DLG1: variants seen among roughly 807,000 people sequenced by gnomAD.
The protein encoded by DLG1 is discs large MAGUK scaffold protein 1.
DLG1 carries 42 observed loss-of-function variants against 123.4 expected under a neutral mutation model. The ratio of observed to expected loss-of-function variants is 0.34; its 90% CI spans 0.27 to 0.44. The LOEUF (loss-of-function observed/expected upper bound fraction) is 0.44. Ranked by LOEUF, DLG1 falls within the 20% of genes least tolerant of loss-of-function variation. DLG1 has a pLI of 1.00. For missense variants in DLG1, 942 were observed against 1,082.6 expected (o/e 0.87, Z 1.82); for synonymous variants, 317 against 356.2 (o/e 0.89, Z 1.24).
At chr3:197,127,781 C>T (rs1780521319) in intron 11 of DLG1, among the ~76,000 whole-genome samples, 1 of 151,876 alleles carries the variant, frequency 6.6e-6, no homozygotes, top group African/African-American at 2.4e-5. Context: ...GCGAATATTG[C>T]AATAAAGCCT....
At chr3:197,186,236 G>C (rs1052034219) in intron 5 of DLG1, among the ~76,000 whole-genome samples, 1 of 152,158 alleles carries the variant, frequency 6.6e-6, no homozygotes, top group African/African-American at 2.4e-5. Context: ...GGAGGTGGAA[G>C]GCGGAAGGCA....
chr3:197,162,089 T>C (rs544092601), intron 5 of DLG1, among the ~76,000 whole-genome samples: 3 of 152,320 alleles, frequency 2.0e-5, no homozygotes, highest in African/African-American at 7.2e-5. Context: ...GCACTCAGAA[T>C]ACATCTCACT....
intron 4 of DLG1, among the ~76,000 whole-genome samples, chr3:197,272,026 T>C (rs2151050983): frequency 6.6e-6 from 1 of 152,336 alleles, no homozygotes; most frequent in South Asian, 2.1e-4. Flanking sequence ...CCTCTACAAC[T>C]GGTGCTACTA....
chr3:197,103,424 T>C (rs1461995082), intron 14 of DLG1, among the ~76,000 whole-genome samples: 1 of 152,134 alleles, frequency 6.6e-6, no homozygotes, highest in African/African-American at 2.4e-5. Flanking sequence ...AACCAGTGAC[T>C]GTAACTCGGC....
chr3:197,091,203 C>T lies in DLG1; in HGVS notation c.1547-177G>A, dbSNP rs146331805. 7.4e-3 allele frequency among the ~76,000 whole-genome samples: 1,128 copies of T among 151,974 alleles called. 12 individuals carry two copies. The highest frequency in any genetic ancestry group is 0.024 in the African/African-American group (996 of 41,478). On this transcript the variant is annotated intron_variant, in intron 14 of 24. Transcript: ENST00000667157. The stretch of plus-strand genomic sequence containing the variant: ...AATTTCAAAAAAAAATTATTAATAA[C>T]CTAAATGTACCATAAATTAGAATTG...
At chr3:197,125,239 A>G (rs1778429347) in intron 11 of DLG1, among the ~76,000 whole-genome samples, 1 of 152,070 alleles carries the variant, frequency 6.6e-6, no homozygotes, top group Non-Finnish European at 1.5e-5. Flanking sequence ...AGAGTGGGAG[A>G]GTGAATTAGG....
intron 23 of DLG1, among the ~76,000 whole-genome samples, 158 bp downstream of exon 23, chr3:197,059,731 T>C (rs777312071): frequency 6.6e-6 from 1 of 151,200 alleles, no homozygotes; most frequent in Non-Finnish European, 1.5e-5. Context: ...TTATAACCCA[T>C]AGTGCTTATT....
intron 10 of DLG1, among the ~76,000 whole-genome samples, chr3:197,135,593 A>G (rs1362593105): frequency 6.6e-6 from 1 of 152,168 alleles, no homozygotes; most frequent in Non-Finnish European, 1.5e-5. Context: ...ACTGATGAAG[A>G]CTGGACAAAT....
chr3:197,150,591 T>G (rs1793379405), intron 5 of DLG1, among the ~76,000 whole-genome samples: 1 of 152,144 alleles, frequency 6.6e-6, no homozygotes, highest in Non-Finnish European at 1.5e-5. Flanking sequence ...CATAACACTT[T>G]CAGAGAATAA....
At chr3:197,203,602 G>C (rs761850371) in intron 4 of DLG1, among the ~76,000 whole-genome samples, 1 of 152,044 alleles carries the variant, frequency 6.6e-6, no homozygotes, top group Non-Finnish European at 1.5e-5. Context: ...CAGGTTAAAA[G>C]TAGAGGAAAG....
intron 4 of DLG1, among the ~76,000 whole-genome samples, chr3:197,247,261 A>G (rs1456916939): frequency 1.3e-5 from 2 of 152,186 alleles, no homozygotes; most frequent in African/African-American, 4.8e-5. Flanking sequence ...GGGGGGAGAC[A>G]TAGACTCAGG....
intron 5 of DLG1, among the ~76,000 whole-genome samples, chr3:197,175,530 C>A (rs995756882): frequency 2.6e-5 from 4 of 152,172 alleles, no homozygotes; most frequent in Non-Finnish European, 5.9e-5. Flanking sequence ...CATAGTGTTA[C>A]ATAAAAATGG....
At chr3:197,254,802 A>AG (rs1756051309) in intron 4 of DLG1, among the ~76,000 whole-genome samples, 1 of 152,190 alleles carries the variant, frequency 6.6e-6, no homozygotes, top group Non-Finnish European at 1.5e-5. Context: ...CTGTAATCCC[A>AG]GCACCTTGAG....
chr3:197,236,273 A>G (rs1745900328), intron 4 of DLG1, among the ~76,000 whole-genome samples: 1 of 152,174 alleles, frequency 6.6e-6, no homozygotes, highest in Non-Finnish European at 1.5e-5. Flanking sequence ...AGATGGCACC[A>G]CTGCACTCCA....
At chr3:197,127,850 A>G (rs1780570313) in intron 11 of DLG1, among the ~76,000 whole-genome samples, 1 of 152,094 alleles carries the variant, frequency 6.6e-6, no homozygotes, top group South Asian at 2.1e-4. Flanking sequence ...CACTATATTA[A>G]GTAAGGAATA....
chr3:197,107,500 G>C (rs974760381), intron 13 of DLG1, among the ~76,000 whole-genome samples: 1 of 151,846 alleles, frequency 6.6e-6, no homozygotes, highest in Non-Finnish European at 1.5e-5. Context: ...AACAGAGATT[G>C]CGCCACTGCA....
chr3:197,085,760 G>A lies in DLG1; in HGVS notation c.1662-4C>T, dbSNP rs1192333029. On this transcript the variant is annotated splice_polypyrimidine_tract_variant and splice_region_variant and intron_variant, in intron 15 of 24. Coordinates refer to ENST00000667157, the MANE Select transcript of DLG1 (RefSeq NM_001366207.1). ...CTTGTCATAATCAAAAAGGGCTCTA[G>A]AGTCAGAAGAAAAAAAGTCCATAAT... is the stretch of plus-strand genomic sequence containing the variant. The A allele has an allele frequency of 1.2e-6, 2 of 1,606,528 alleles. No individual in the cohort carries two copies.
At chr3:197,120,758 T>C (rs1370615611) in intron 11 of DLG1, among the ~76,000 whole-genome samples, 1 of 152,210 alleles carries the variant, frequency 6.6e-6, no homozygotes, top group Non-Finnish European at 1.5e-5. Context: ...GATAGTATTT[T>C]AGAGATGCAG....
At chr3:197,206,824 AAATT>A (rs1313279364) in intron 4 of DLG1, among the ~76,000 whole-genome samples, 1 of 67,046 alleles carries the variant, frequency 1.5e-5, no homozygotes, top group Non-Finnish European at 3.2e-5. Flanking sequence ...GAAATGTAAA[AAATT>A]AATAAATAAA....
Sources: gnomAD v4.1 joint callset for allele counts (sites outside exome capture counted in the v4.1 genomes callset) on GRCh38, gnomAD v4.1.1 for gene constraint, MANE v1.5 for transcripts, NCBI Gene and HGNC (gene_info 2026-07-23, HGNC 2026-07-21) for gene names.